CNTN1: variants seen among roughly 807,000 people sequenced by gnomAD.
CNTN1 encodes the protein contactin-1.
A neutral mutation model predicts 126.4 loss-of-function variants in CNTN1; 38 were observed. The ratio of observed to expected loss-of-function variants is 0.30; its 90% CI spans 0.23 to 0.39. CNTN1 has a LOEUF of 0.39. CNTN1 is among the 10% of genes least tolerant of loss of function. The probability of loss-of-function intolerance (pLI) is 1.00; values close to 1 mark genes in which losing one functional copy is unlikely to be tolerated. For missense variants in CNTN1, 1,009 were observed against 1,248.4 expected (o/e 0.81, Z 2.89); for synonymous variants, 413 against 422.6 (o/e 0.98, Z 0.28).
At chr12:40,725,889 T>C (rs922732397) in intron 1 of CNTN1, among the ~76,000 whole-genome samples, 7 of 151,542 alleles carry the variant, frequency 4.6e-5, no homozygotes, top group African/African-American at 1.7e-4. Context: ...TGAGATTACA[T>C]AGGCGTTTAG....
In CNTN1 at chr12:40,919,989, A is replaced by C. The variant is rs144359565; in HGVS notation, c.227+1218A>C. Among the ~76,000 whole-genome samples, 187 of 152,332 alleles carry C rather than the reference A, an allele frequency of 1.2e-3. 2 individuals carry two copies. In the East Asian group the frequency reaches 0.018, roughly 15 times the overall value. On this transcript the variant is annotated intron_variant, in intron 4 of 23. Transcript: ENST00000551295. ...CCAATCCAAGAAAATTTTACAGGAG[A>C]GGAAGCTGAATCCTGAATAAGTAAA...
chr12:40,872,797 T>G (rs1374040919), intron 1 of CNTN1, among the ~76,000 whole-genome samples: 22 of 152,002 alleles, frequency 1.4e-4, no homozygotes, highest in Non-Finnish European at 1.5e-5. Context: ...CCTGACCTTG[T>G]GATCCACCCA....
At chr12:40,738,988 A>G (rs1052183411) in intron 1 of CNTN1, among the ~76,000 whole-genome samples, 2 of 152,070 alleles carry the variant, frequency 1.3e-5, no homozygotes, top group African/African-American at 4.8e-5. Context: ...GGAGAAGAAC[A>G]GTGGTTCTTA....
intron 12 of CNTN1, among the ~76,000 whole-genome samples, chr12:40,943,090 G>A (rs539166064): frequency 2.7e-4 from 41 of 152,260 alleles, no homozygotes; most frequent in Non-Finnish European, 5.0e-4. Flanking sequence ...AGGGAAATAT[G>A]TGTAGTATGA....
At chr12:40,727,196 AAAATC>A (rs1942379529) in intron 1 of CNTN1, among the ~76,000 whole-genome samples, 1 of 149,938 alleles carries the variant, frequency 6.7e-6, no homozygotes, top group Admixed American at 6.7e-5. Flanking sequence ...AAACAATACA[AAAATC>A]AAAGACTCTA....
intron 23 of CNTN1, among the ~76,000 whole-genome samples, chr12:41,035,351 T>C (rs1032740719): frequency 6.6e-6 from 1 of 152,202 alleles, no homozygotes; most frequent in African/African-American, 2.4e-5. Context: ...CAATGATTTT[T>C]TTCTACGATA....
intron 1 of CNTN1, among the ~76,000 whole-genome samples, chr12:40,899,980 C>T (rs534475039): frequency 5.9e-5 from 9 of 152,058 alleles, no homozygotes; most frequent in South Asian, 2.1e-4. Context: ...TAAATCTGTA[C>T]GGAATAGAAA....
chr12:40,894,520 TTTTC>T (rs2136742493), intron 1 of CNTN1, among the ~76,000 whole-genome samples: 1 of 152,302 alleles, frequency 6.6e-6, no homozygotes, highest in South Asian at 2.1e-4. Context: ...TTCTGTTCAA[TTTTC>T]TTTAAGTCTA....
chr12:40,782,305 A>T (rs895938009), intron 1 of CNTN1, among the ~76,000 whole-genome samples: 50 of 151,810 alleles, frequency 3.3e-4, no homozygotes, highest in Middle Eastern at 3.5e-3. Context: ...TTGAAAAAAT[A>T]AAAAAAAGGT....
chr12:40,921,600 A>G (rs572295790), intron 4 of CNTN1, among the ~76,000 whole-genome samples: 2 of 152,284 alleles, frequency 1.3e-5, no homozygotes, highest in South Asian at 4.1e-4. Flanking sequence ...CCTCTTTTTC[A>G]CTTTATTAAA....
chr12:40,729,488 C>T (rs1019283383), intron 1 of CNTN1: 11 of 198,588 alleles, frequency 5.5e-5, no homozygotes, highest in African/African-American at 7.0e-5. Context: ...TGAGGATGCA[C>T]GGAAATTTGT....
chr12:40,743,652 GT>G (rs1052809964), intron 1 of CNTN1, among the ~76,000 whole-genome samples: 7 of 151,540 alleles, frequency 4.6e-5, no homozygotes, highest in Non-Finnish European at 8.8e-5. Context: ...GGGTTGTTTT[GT>G]TTTTTTTCTT....
At chr12:40,981,389 G>T (rs908475156) in intron 16 of CNTN1, among the ~76,000 whole-genome samples, 16 of 152,114 alleles carry the variant, frequency 1.1e-4, no homozygotes, top group African/African-American at 3.1e-4. Context: ...CTATTTTTGA[G>T]CAAATAGCAT....
In CNTN1 at chr12:40,911,570, C is replaced by A. The variant is rs149487628; in HGVS notation, c.94+1465C>A. Among the ~76,000 whole-genome samples, 1,017 of 152,296 alleles carry A rather than the reference C, an allele frequency of 6.7e-3. 11 individuals are homozygous for A. Among genetic ancestry groups the A allele is most frequent in the Non-Finnish European group, 0.011 (730 of 68,028 alleles). ...AATCTGCTGCAATCAGTGTTTCCCA[C>A]GAGCACTCAACAAAAACTGCCTCAT... On this transcript the variant is annotated intron_variant, in intron 3 of 23. Coordinates refer to ENST00000551295, the MANE Select transcript of CNTN1 (RefSeq NM_001843.4).
intron 1 of CNTN1, among the ~76,000 whole-genome samples, chr12:40,781,390 T>A (rs1939797012): frequency 6.6e-6 from 1 of 151,976 alleles, no homozygotes; most frequent in South Asian, 2.1e-4. Flanking sequence ...AAAATTTAAA[T>A]CTTGGTTCAG....
At chr12:40,818,705 GC>G (rs918616941) in intron 1 of CNTN1, among the ~76,000 whole-genome samples, 1 of 152,092 alleles carries the variant, frequency 6.6e-6, no homozygotes, top group Non-Finnish European at 1.5e-5. Context: ...CCAGTTCTGT[GC>G]CCTTGATGGA....
At chr12:40,890,195 C>G (rs1944191829) in intron 1 of CNTN1, among the ~76,000 whole-genome samples, 5 of 152,012 alleles carry the variant, frequency 3.3e-5, no homozygotes, top group Admixed American at 2.6e-4. Flanking sequence ...TTTTAATAGA[C>G]TTTAAGAGTT....
intron 17 of CNTN1, among the ~76,000 whole-genome samples, chr12:41,007,957 C>T (rs577812594): frequency 3.3e-5 from 5 of 152,306 alleles, no homozygotes; most frequent in African/African-American, 1.2e-4. Context: ...AAAGCAAAGC[C>T]TTACCAAGGA....
chr12:40,929,505 G>C (rs1945808414), intron 6 of CNTN1, among the ~76,000 whole-genome samples: 1 of 151,914 alleles, frequency 6.6e-6, no homozygotes, highest in African/African-American at 2.4e-5. Flanking sequence ...AGCAAGTTAT[G>C]TAACCTCTTC....
Sources: gnomAD v4.1 joint callset for allele counts (sites outside exome capture counted in the v4.1 genomes callset) on GRCh38, gnomAD v4.1.1 for gene constraint, MANE v1.5 for transcripts, NCBI Gene and HGNC (gene_info 2026-07-23, HGNC 2026-07-21) for gene names.